DENND4A: variants seen among roughly 807,000 people sequenced by gnomAD.
DENND4A encodes C-myc promoter-binding protein.
A neutral mutation model predicts 199.3 loss-of-function variants in DENND4A; 70 were observed. That is an observed-to-expected ratio of 0.35 (90% CI 0.29 to 0.43). The LOEUF (loss-of-function observed/expected upper bound fraction) is 0.43. Among genes scored for constraint, DENND4A ranks in the 20% least tolerant of loss-of-function variants. The pLI, the probability that DENND4A is intolerant of heterozygous loss-of-function variation, is 1.00. For synonymous variants in DENND4A, 686 were observed against 766.9 expected (o/e 0.89, Z 1.74); for missense variants, 1,723 against 2,255.8 (o/e 0.76, Z 4.78).
chr15:65,738,050 GC>G, intron 6 of DENND4A, 105 bp from the exon 7 acceptor site: 1 of 1,142,226 alleles, frequency 8.8e-7, no homozygotes, highest in Non-Finnish European at 1.2e-6. Context: ...CAGGTGAGAG[GC>G]CAGGTATTAA....
intron 27 of DENND4A, among the ~76,000 whole-genome samples, chr15:65,668,846 G>C (rs1015239112): frequency 2.0e-5 from 3 of 151,712 alleles, no homozygotes; most frequent in Non-Finnish European, 4.4e-5. Flanking sequence ...ATCAGAGCTA[G>C]ACATGGCAAC....
Position 65,718,008 on chromosome 15 carries a change from T to A in DENND4A, c.1589-12A>T, listed in dbSNP as rs753287333. ...CGGTCTCTGCTGCACTGTGAAGACA[T>A]ACAGTGTTAGTGTTTTCTCCAAACT... On this transcript the variant is annotated splice_polypyrimidine_tract_variant and intron_variant, in intron 12 of 32. Coordinates refer to ENST00000443035, the MANE Select transcript of DENND4A (RefSeq NM_001320835.1). 1 of 1,559,676 alleles carries A rather than the reference T, an allele frequency of 6.4e-7. No homozygotes were observed. Among genetic ancestry groups the A allele is most frequent in the South Asian group, 1.2e-5 (1 of 85,652 alleles).
At chr15:65,665,786 C>A (rs1037636568) in intron 29 of DENND4A, among the ~76,000 whole-genome samples, 1 of 152,134 alleles carries the variant, frequency 6.6e-6, no homozygotes, top group African/African-American at 2.4e-5. Flanking sequence ...TCATCCAACA[C>A]CCTGGCCCAG....
intron 1 of DENND4A, among the ~76,000 whole-genome samples, chr15:65,783,480 G>A (rs550429811): frequency 4.3e-4 from 65 of 152,174 alleles, no homozygotes; most frequent in African/African-American, 1.5e-3. Context: ...TATTTTCCAG[G>A]TCTATACACT....
chr15:65,677,508 C>T (rs921372170), intron 23 of DENND4A, among the ~76,000 whole-genome samples: 29 of 152,086 alleles, frequency 1.9e-4, no homozygotes, highest in Admixed American at 1.6e-3. Flanking sequence ...CGTGCCTGGC[C>T]GGGCTTTAAC....
chr15:65,729,794 AG>A, intron 9 of DENND4A, 116 bp from the exon 10 acceptor site: 1 of 942,682 alleles, frequency 1.1e-6, no homozygotes, highest in Non-Finnish European at 1.5e-6. Context: ...TATGTTGATT[AG>A]GGTACAATTT....
chr15:65,729,586 AT>A lies in DENND4A; in HGVS notation c.1258del (p.Ile420SerfsTer12). ...VFAVTEHKIL[I>X]HSLRPSVLTS... The stretch of plus-strand genomic sequence containing the variant: ...AAGCACGGATGGCCGTAGGGAATGG[AT>A]AAGAATTTTATGTTCTGTTACTGCA... On this transcript the variant is annotated frameshift_variant, in exon 10 of 33. Transcript: ENST00000443035. LOFTEE classifies it high-confidence loss of function. 1 of 1,601,908 alleles carries A rather than the reference AT, an allele frequency of 6.2e-7. No individual in the cohort carries two copies. Among genetic ancestry groups the A allele is most frequent in the Non-Finnish European group, 8.5e-7 (1 of 1,173,648 alleles).
chr15:65,707,086 A>G, intron 14 of DENND4A, among the ~76,000 whole-genome samples: 1 of 152,122 alleles, frequency 6.6e-6, no homozygotes, highest in East Asian at 1.9e-4. Flanking sequence ...AATTTCCCTA[A>G]GCTCTTTCAG....
intron 15 of DENND4A, chr15:65,705,879 A>G: frequency 2.2e-6 from 1 of 445,824 alleles, no homozygotes; most frequent in Non-Finnish European, 3.0e-6. Flanking sequence ...ATCATTAGAG[A>G]GCTTCCCAAG....
chr15:65,741,806 TATC>T (rs1162084958), intron 4 of DENND4A, 22 bp from the exon 5 acceptor site: 2 of 1,581,748 alleles, frequency 1.3e-6, no homozygotes, highest in Admixed American at 1.7e-5. Flanking sequence ...AAAATAGAAA[TATC>T]ATTTAATTTT....
intron 28 of DENND4A, 92 bp from the exon 29 acceptor site, chr15:65,667,795 T>G: frequency 1.3e-6 from 2 of 1,493,532 alleles, no homozygotes; most frequent in Non-Finnish European, 1.8e-6. Flanking sequence ...AGAAAAGTAA[T>G]ATAATTGTAT....
rs1256784498 is a variant in DENND4A, at chr15:65,659,321, GGTTTTTTTTTTTTTTT to G, written c.*2514_*2529del. On this transcript the variant is annotated 3_prime_UTR_variant, in exon 33 of 33. Coordinates refer to ENST00000443035, the MANE Select transcript of DENND4A (RefSeq NM_001320835.1). ...TTATTTTAAATGATTGATATTTTCT[GGTTTTTTTTTTTTTTT>G]TTTTTTTTTTTTTTGAGACAGGGTC... 10 of 66,668 alleles carry G rather than the reference GGTTTTTTTTTTTTTTT, an allele frequency of 1.5e-4. 1 individual carries two copies. The Admixed American group carries it at 1.8e-3, about 12-fold the overall frequency. The allele number at this position is 66,668 out of a possible 1,614,324, so 4.1% of individuals were successfully genotyped here.
At chr15:65,748,886 G>A (rs1248084402) in intron 4 of DENND4A, among the ~76,000 whole-genome samples, 2 of 150,978 alleles carry the variant, frequency 1.3e-5, no homozygotes, top group East Asian at 2.0e-4. Context: ...TGAGCTGCTC[G>A]AGAGGCCAAA....
At chr15:65,742,972 C>T (rs1285061356) in intron 4 of DENND4A, among the ~76,000 whole-genome samples, 2 of 152,054 alleles carry the variant, frequency 1.3e-5, no homozygotes, top group African/African-American at 2.4e-5. Flanking sequence ...CTTACACAAT[C>T]CATGCACATG....
In DENND4A at chr15:65,670,712, T is replaced by C. The variant is rs188527658; in HGVS notation, c.4465-524A>G. On this transcript the variant is annotated intron_variant, in intron 25 of 32. Coordinates refer to ENST00000443035, the MANE Select transcript of DENND4A (RefSeq NM_001320835.1). ...CAGATTAGAAATTAAACAAACAAAA[T>C]GAAAACAACCCTGGTCTTTTACAAA... Among the ~76,000 whole-genome samples, 462 of 152,240 alleles carry C rather than the reference T, an allele frequency of 3.0e-3. 4 individuals are homozygous for C. Among genetic ancestry groups the C allele is most frequent in the African/African-American group, 0.011 (448 of 41,554 alleles).
rs139211698 is a variant in DENND4A, at chr15:65,708,559, C to T, written c.1954-2335G>A. On this transcript the variant is annotated intron_variant, in intron 14 of 32. Transcript: ENST00000443035. ...CTCATTTTAACATTATAAAAATAGC[C>T]GTGCAATAAATCCTACATTTATCAG... Among the ~76,000 whole-genome samples the T allele has an allele frequency of 3.6e-3, 541 of 152,216 alleles. 5 individuals are homozygous for T. Among genetic ancestry groups the T allele is most frequent in the African/African-American group, 0.011 (474 of 41,532 alleles).
intron 1 of DENND4A, among the ~76,000 whole-genome samples, chr15:65,788,226 GC>G (rs2077619591): frequency 6.6e-6 from 1 of 151,984 alleles, no homozygotes. Flanking sequence ...ACAGGCGCCT[GC>G]CACCACGCCC....
intron 23 of DENND4A, among the ~76,000 whole-genome samples, chr15:65,688,018 C>A (rs2076849961): frequency 6.6e-6 from 1 of 152,116 alleles, no homozygotes; most frequent in African/African-American, 2.4e-5. Flanking sequence ...TTCTGGAACT[C>A]CAGTTATCCA....
At chr15:65,727,617 G>A (rs990339084) in intron 11 of DENND4A, among the ~76,000 whole-genome samples, 19 of 150,488 alleles carry the variant, frequency 1.3e-4, no homozygotes, top group Non-Finnish European at 2.2e-4. Context: ...GTAAGACCCT[G>A]TCTCTTTTTA....
Sources: gnomAD v4.1 joint callset for allele counts (sites outside exome capture counted in the v4.1 genomes callset) on GRCh38, gnomAD v4.1.1 for gene constraint, MANE v1.5 for transcripts, NCBI Gene and HGNC (gene_info 2026-07-23, HGNC 2026-07-21) for gene names.